The following NTM variants were observed in gnomAD, a reference collection of about 807,000 sequenced individuals.
The protein encoded by NTM is IgLON family member 2.
NTM carries 13 observed loss-of-function variants against 42.1 expected under a neutral mutation model. The observed-to-expected ratio is 0.31, with a 90% confidence interval of 0.20 to 0.49. NTM has a LOEUF of 0.49. Ranked by LOEUF, NTM falls within the 20% of genes least tolerant of loss-of-function variation. The probability of loss-of-function intolerance (pLI) is 0.99; values close to 1 mark genes in which losing one functional copy is unlikely to be tolerated. For missense variants in NTM, 373 were observed against 452.8 expected, an observed-to-expected ratio of 0.82 and a Z score of 1.60; for synonymous variants, 187 against 179.2, an observed-to-expected ratio of 1.04 and a Z score of -0.35.
At chr11:131,391,488 C>T (rs1290344075) in intron 1 of NTM, among the ~76,000 whole-genome samples, 3 of 151,702 alleles carry the variant, frequency 2.0e-5, no homozygotes, top group Non-Finnish European at 4.4e-5. Context: ...ATCCATTAAA[C>T]ATTCTCGCAA....
intron 2 of NTM, among the ~76,000 whole-genome samples, chr11:131,971,035 A>T (rs1339682950): frequency 6.6e-6 from 1 of 152,194 alleles, no homozygotes; most frequent in African/African-American, 2.4e-5. Flanking sequence ...GCCTATGACA[A>T]ACAACCCTTT....
At chr11:132,071,883 T>A (rs1184234997) in intron 2 of NTM, among the ~76,000 whole-genome samples, 3 of 152,038 alleles carry the variant, frequency 2.0e-5, no homozygotes, top group Non-Finnish European at 2.9e-5. Context: ...GTATTAGGAG[T>A]CCTTGACGGT....
At chr11:132,152,446 T>A (rs892115032) in intron 3 of NTM, among the ~76,000 whole-genome samples, 5 of 152,246 alleles carry the variant, frequency 3.3e-5, no homozygotes, top group African/African-American at 1.2e-4. Context: ...ATGACCTCTC[T>A]TTTTCCTGTC....
intron 2 of NTM, among the ~76,000 whole-genome samples, chr11:132,135,141 A>G (rs1189057541): frequency 2.0e-5 from 3 of 152,044 alleles, no homozygotes; most frequent in Non-Finnish European, 4.4e-5. Context: ...GGAGACAGAA[A>G]TGTTCTTGGC....
chr11:132,209,079 T>C lies in NTM; in HGVS notation c.401-2943T>C, dbSNP rs189960091. 1.2e-3 allele frequency among the ~76,000 whole-genome samples: 190 copies of C among 152,282 alleles called. 1 individual carries two copies. The highest frequency in any genetic ancestry group is 2.1e-3 in the Non-Finnish European group (142 of 68,022). On this transcript the variant is annotated intron_variant, in intron 3 of 8. Transcript: ENST00000683400. Reference sequence around the variant, plus strand: ...GCTGGTGCATGAGATGGGAATGCTCTAGTTAAAACTCTGAATAAAACACAT... The same window carrying C: ...GCTGGTGCATGAGATGGGAATGCTCCAGTTAAAACTCTGAATAAAACACAT...
At chr11:132,092,716 G>T (rs543784529) in intron 2 of NTM, among the ~76,000 whole-genome samples, 1 of 152,234 alleles carries the variant, frequency 6.6e-6, no homozygotes, top group Non-Finnish European at 1.5e-5. Context: ...AAGATCTACA[G>T]ACCTCTCAAA....
intron 3 of NTM, among the ~76,000 whole-genome samples, chr11:132,152,294 C>T (rs2072111890): frequency 1.3e-5 from 2 of 152,258 alleles, no homozygotes; most frequent in South Asian, 2.1e-4. Flanking sequence ...CCCATTCAAG[C>T]GAGTCAATGG....
intron 4 of NTM, among the ~76,000 whole-genome samples, chr11:132,247,857 C>T (rs535163164): frequency 6.6e-6 from 1 of 152,264 alleles, no homozygotes; most frequent in South Asian, 2.1e-4. Flanking sequence ...ACTTAGTAGA[C>T]ACTTGCTACC....
intron 1 of NTM, among the ~76,000 whole-genome samples, chr11:131,441,099 T>A (rs571021776): frequency 6.6e-6 from 1 of 152,274 alleles, no homozygotes; most frequent in East Asian, 1.9e-4. Flanking sequence ...TAGAAGTTAA[T>A]CCAGTTCTTC....
chr11:131,832,618 T>G (rs1055144295), intron 1 of NTM, among the ~76,000 whole-genome samples: 1 of 152,120 alleles, frequency 6.6e-6, no homozygotes, highest in African/African-American at 2.4e-5. Context: ...CAAAGCAGGG[T>G]CTGGCATTGG....
At chr11:131,448,759 C>T (rs1439545034) in intron 1 of NTM, among the ~76,000 whole-genome samples, 1 of 152,226 alleles carries the variant, frequency 6.6e-6, no homozygotes, top group African/African-American at 2.4e-5. Flanking sequence ...AGGGCTGATG[C>T]TGCCTGTGGC....
chr11:131,556,636 C>T (rs1045336648), intron 1 of NTM, among the ~76,000 whole-genome samples: 5 of 144,208 alleles, frequency 3.5e-5, no homozygotes, highest in African/African-American at 5.2e-5. Flanking sequence ...GGTGTGATCT[C>T]GGCTCATTGA....
chr11:132,313,980 AAAAATGAG>A (rs2095354235), intron 6 of NTM, among the ~76,000 whole-genome samples: 2 of 152,260 alleles, frequency 1.3e-5, no homozygotes, highest in Admixed American at 6.5e-5. Flanking sequence ...CCCTGATGAG[AAAAATGAG>A]AAAATGATGA....
chr11:131,482,387 C>T (rs1953700562), intron 1 of NTM, among the ~76,000 whole-genome samples: 1 of 152,216 alleles, frequency 6.6e-6, no homozygotes, highest in African/African-American at 2.4e-5. Context: ...ACATATACAT[C>T]ATGCATATTC....
At chr11:132,044,136 G>A (rs76009382) in intron 2 of NTM, among the ~76,000 whole-genome samples, 55,361 of 130,220 alleles carry the variant, frequency 0.43, 12,997 homozygotes, top group East Asian at 0.76. Flanking sequence ...ATATATGTGT[G>A]TGTGTATGTG....
intron 3 of NTM, among the ~76,000 whole-genome samples, chr11:132,165,851 T>G (rs763910782): frequency 1.3e-5 from 2 of 152,222 alleles, no homozygotes; most frequent in Non-Finnish European, 2.9e-5. Flanking sequence ...TTGGAAATGT[T>G]GATTTCATTG....
intron 1 of NTM, among the ~76,000 whole-genome samples, chr11:131,426,243 C>T (rs1291702468): frequency 6.6e-6 from 1 of 152,194 alleles, no homozygotes; most frequent in African/African-American, 2.4e-5. Context: ...ACTGAGTGCA[C>T]ATCCCTGATT....
At chr11:131,688,363 G>T (rs147496034) in intron 1 of NTM, among the ~76,000 whole-genome samples, 69 of 152,352 alleles carry the variant, frequency 4.5e-4, no homozygotes, top group African/African-American at 1.6e-3. Flanking sequence ...GATAGCACAC[G>T]CCACTAACTC....
At chr11:131,822,719 A>G (rs1404973242) in intron 1 of NTM, among the ~76,000 whole-genome samples, 2 of 152,160 alleles carry the variant, frequency 1.3e-5, no homozygotes, top group Non-Finnish European at 2.9e-5. Context: ...TGAAGGGTTC[A>G]TTAACTTCCC....
Sources: allele counts gnomAD v4.1 joint callset (sites outside exome capture counted in the v4.1 genomes callset), GRCh38; gene constraint gnomAD v4.1.1; transcripts MANE v1.5; gene names NCBI Gene and HGNC (gene_info 2026-07-23, HGNC 2026-07-21).